The following SLC15A5 variants were observed in gnomAD, a reference collection of about 807,000 sequenced individuals.
SLC15A5 encodes Peptide/histidine transporter ENSP00000340402.
SLC15A5 carries 58 observed loss-of-function variants against 56.1 expected under a neutral mutation model. The observed-to-expected ratio is 1.03, with a 90% CI of 0.84 to 1.29. The LOEUF (loss-of-function observed/expected upper bound fraction) is 1.29. SLC15A5 is among the 50% of genes most tolerant of loss of function. The pLI, the probability that SLC15A5 is intolerant of heterozygous loss-of-function variation, is 0.00. For missense variants in SLC15A5, 681 were observed against 672.1 expected (o/e 1.01, Z -0.15); for synonymous variants, 264 against 250.5 (o/e 1.05, Z -0.51).
chr12:16,247,606 A>T (rs1255079355), intron 3 of SLC15A5, among the ~76,000 whole-genome samples: 1 of 152,124 alleles, frequency 6.6e-6, no homozygotes, highest in Non-Finnish European at 1.5e-5. Flanking sequence ...ACTGAGGATT[A>T]AATGACTAGA....
chr12:16,225,740 A>C (rs1864234887), intron 5 of SLC15A5, among the ~76,000 whole-genome samples: 1 of 152,228 alleles, frequency 6.6e-6, no homozygotes, highest in African/African-American at 2.4e-5. Flanking sequence ...GCAAATCAAA[A>C]CCACAATGAG....
chr12:16,216,770 A>T, intron 7 of SLC15A5, 123 bp downstream of exon 7: 2 of 803,602 alleles, frequency 2.5e-6, no homozygotes, highest in Non-Finnish European at 1.9e-6. Context: ...ATTCTATCTT[A>T]ATTGCAAAAG....
chr12:16,239,928 C>G, intron 4 of SLC15A5, 61 bp from the exon 5 acceptor site: 1 of 1,434,280 alleles, frequency 7.0e-7, no homozygotes, highest in Non-Finnish European at 9.3e-7. Flanking sequence ...AAGAAAGCAT[C>G]GTCCACCAGA....
At position 16,209,674 on chromosome 12, in the gene SLC15A5, T is replaced by A. The variant is rs573524014; in HGVS notation, c.1483+7219A>T. Among the ~76,000 whole-genome samples, 275 of 152,294 alleles carry A rather than the reference T, an allele frequency of 1.8e-3. 1 individual carries two copies. The highest frequency in any genetic ancestry group is 6.5e-3 in the African/African-American group (270 of 41,566). Reference sequence around the variant, plus strand: ...CATGGCAGAAACTGGAATGCTTTCCTGACACTACCTCCTCCCTCTTGCATC... The same window carrying A: ...CATGGCAGAAACTGGAATGCTTTCCAGACACTACCTCCTCCCTCTTGCATC... On this transcript the variant is annotated intron_variant, in intron 7 of 8. Coordinates refer to ENST00000344941, the MANE Select transcript of SLC15A5 (RefSeq NM_001170798.1).
intron 5 of SLC15A5, among the ~76,000 whole-genome samples, chr12:16,228,371 AG>A (rs1864263146): frequency 6.6e-6 from 1 of 151,950 alleles, no homozygotes; most frequent in Admixed American, 6.5e-5. Flanking sequence ...AAGGTCAGAA[AG>A]ATAGGTCATG....
intron 7 of SLC15A5, 146 bp downstream of exon 7, chr12:16,216,747 A>G: frequency 1.5e-6 from 1 of 684,016 alleles, no homozygotes; most frequent in Non-Finnish European, 2.3e-6. Context: ...GCAAGAGTGT[A>G]TTTCCTATCT....
chr12:16,256,298 C>G lies in SLC15A5; in HGVS notation c.754+1403G>C, dbSNP rs1864571053. ...AAGAGGAAGAAATATAGAATATGAT[C>G]ACCTTGCAATCCTCAATAAAATATT... On this transcript the variant is annotated intron_variant, in intron 3 of 8. Coordinates refer to ENST00000344941, the MANE Select transcript of SLC15A5 (RefSeq NM_001170798.1). 1.3e-5 allele frequency among the ~76,000 whole-genome samples: 2 copies of G among 152,126 alleles called. 1 individual carries two copies. The highest frequency in any genetic ancestry group is 2.9e-5 in the Non-Finnish European group (2 of 68,012).
At chr12:16,223,622 T>C (rs921599324) in intron 6 of SLC15A5, among the ~76,000 whole-genome samples, 1 of 152,154 alleles carries the variant, frequency 6.6e-6, no homozygotes, top group Non-Finnish European at 1.5e-5. Flanking sequence ...TTCAAAGACA[T>C]CAAGTTATCT....
intron 2 of SLC15A5, among the ~76,000 whole-genome samples, chr12:16,259,954 A>T (rs1251415564): frequency 6.6e-6 from 1 of 151,868 alleles, no homozygotes; most frequent in Admixed American, 6.6e-5. Context: ...ATCCAAGACA[A>T]GTTCCTCACT....
chr12:16,215,213 AAAAAAAAAAAAAAAAAC>A (rs1346903638), intron 7 of SLC15A5, among the ~76,000 whole-genome samples: 1 of 141,462 alleles, frequency 7.1e-6, no homozygotes, highest in East Asian at 2.1e-4. Context: ...AAAAAAAAAA[AAAAAAAAAAAAAAAAAC>A]CAAAGTGAGG....
chr12:16,273,851 C>A (rs1031918290), intron 1 of SLC15A5, among the ~76,000 whole-genome samples: 2 of 149,926 alleles, frequency 1.3e-5, no homozygotes, highest in South Asian at 2.1e-4. Context: ...ACAAAAGGCC[C>A]ATAATCTCAT....
intron 8 of SLC15A5, among the ~76,000 whole-genome samples, chr12:16,191,382 A>G (rs1018886458): frequency 5.3e-5 from 8 of 152,036 alleles, no homozygotes; most frequent in Non-Finnish European, 8.8e-5. Context: ...ATGTTGTTTC[A>G]TAATTAATAC....
Position 16,235,364 on chromosome 12 carries a change from T to C in SLC15A5, c.1162+4317A>G, listed in dbSNP as rs567918787. ...TATATGACCTTCTATCTTTTGTTTC[T>C]CTGTAGACCATTGGAATTCATTTCA... On this transcript the variant is annotated intron_variant, in intron 5 of 8. Coordinates refer to ENST00000344941, the MANE Select transcript of SLC15A5 (RefSeq NM_001170798.1). The surrounding 1 kb of genome is among the most constrained non-coding windows in gnomAD (Gnocchi z 4.1). 3.3e-5 allele frequency among the ~76,000 whole-genome samples: 5 copies of C among 151,260 alleles called. No homozygotes were observed. In the South Asian group the frequency reaches 1.0e-3, roughly 31 times the overall value.
At chr12:16,193,071 A>G (rs1000560925) in intron 8 of SLC15A5, among the ~76,000 whole-genome samples, 6 of 152,062 alleles carry the variant, frequency 3.9e-5, no homozygotes, top group African/African-American at 1.4e-4. Flanking sequence ...GTTTTTGAGA[A>G]TTGCTGGGTG....
At chr12:16,273,522 C>G (rs1247003184) in intron 1 of SLC15A5, among the ~76,000 whole-genome samples, 1 of 152,062 alleles carries the variant, frequency 6.6e-6, no homozygotes. Flanking sequence ...CAATTCCATG[C>G]TTTTGCTAAG....
rs1349609451 is a variant in SLC15A5 at position 16,269,832 on chromosome 12, C to T, written c.584+2729G>A. Among the ~76,000 whole-genome samples the T allele has an allele frequency of 6.6e-6, 1 of 152,152 alleles. No homozygotes were observed. Among genetic ancestry groups the T allele is most frequent in the Non-Finnish European group, 1.5e-5 (1 of 68,026 alleles). Reference sequence around the variant, plus strand: ...TGAAGAAAGTAGAGAAATGCAGAAGCAAGATTTGAGGTTAATTGTGGTAGA... The same window carrying T: ...TGAAGAAAGTAGAGAAATGCAGAAGTAAGATTTGAGGTTAATTGTGGTAGA... On this transcript the variant is annotated intron_variant, in intron 2 of 8. Transcript: ENST00000344941. This position sits in a 1 kb window ranked among gnomAD's most constrained non-coding sequence, Gnocchi z 4.7.
rs866469992 is a variant in SLC15A5, at chr12:16,244,489, C to T, written c.975+91G>A. ...ACTGCCTGCCGACATATATGGAAAG[C>T]GCTCGTTGGGGAGAAAATTCACCTT... On this transcript the variant is annotated intron_variant, in intron 4 of 8. Transcript: ENST00000344941. The T allele has an allele frequency of 2.5e-5, 29 of 1,165,272 alleles. No individual in the cohort carries two copies. The East Asian group carries it at 4.4e-4, about 18-fold the overall frequency. The allele number at this position is 1,165,272 out of a possible 1,614,324, so 72.2% of individuals were successfully genotyped here. A position where few individuals can be genotyped will look rare whatever the true frequency, so the allele number is the denominator to read the frequency against.
Position 16,224,408 on chromosome 12 carries a change from A to T in SLC15A5, c.1351+6T>A. 2 of 1,536,628 alleles carry T rather than the reference A, an allele frequency of 1.3e-6. No individual in the cohort carries two copies. The highest frequency in any genetic ancestry group is 1.7e-6 in the Non-Finnish European group (2 of 1,146,546). ...TCTAACATTAGTTGAAAAGGTGTTTACTCACGGGCTGGGTTTACCAGTGTT... is the reference window on the plus strand; with the variant it reads ...TCTAACATTAGTTGAAAAGGTGTTTTCTCACGGGCTGGGTTTACCAGTGTT... On this transcript the variant is annotated splice_donor_region_variant and intron_variant, in intron 6 of 8. Transcript: ENST00000344941.
At chr12:16,233,777 A>G (rs1475628299) in intron 5 of SLC15A5, among the ~76,000 whole-genome samples, 1 of 152,132 alleles carries the variant, frequency 6.6e-6, no homozygotes, top group Non-Finnish European at 1.5e-5. Flanking sequence ...GGCTTGTTAG[A>G]CATGCAGAAT....
Sources: allele counts gnomAD v4.1 joint callset (sites outside exome capture counted in the v4.1 genomes callset), GRCh38; gene constraint gnomAD v4.1.1; non-coding constraint Gnocchi (gnomAD v3.1); transcripts MANE v1.5; gene names NCBI Gene and HGNC (gene_info 2026-07-23, HGNC 2026-07-21).